The following RIMS2 variants were observed in gnomAD, a reference collection of about 807,000 sequenced individuals.
The protein encoded by RIMS2 is regulating synaptic membrane exocytosis protein 2.
Under a neutral mutation model 174.4 loss-of-function variants are expected in RIMS2, and 59 were observed. That is an observed-to-expected ratio of 0.34 (90% confidence interval 0.27 to 0.42). The LOEUF (loss-of-function observed/expected upper bound fraction) is 0.42. RIMS2 is among the 10% of genes least tolerant of loss of function. The pLI is 1.00. For missense variants in RIMS2, 1,620 were observed against 1,666.3 expected (o/e 0.97, Z 0.48); for synonymous variants, 606 against 572.5 (o/e 1.06, Z -0.84).
chr8:103,947,288 C>A (rs1469581902), intron 14 of RIMS2, among the ~76,000 whole-genome samples: 4 of 152,158 alleles, frequency 2.6e-5, no homozygotes, highest in African/African-American at 9.7e-5. Flanking sequence ...TTCAAGACAT[C>A]ATTAAGAAGA....
chr8:103,641,440 T>C (rs1474255379), intron 1 of RIMS2, among the ~76,000 whole-genome samples: 1 of 152,176 alleles, frequency 6.6e-6, no homozygotes, highest in Non-Finnish European at 1.5e-5. Context: ...CTATTATTAC[T>C]GTACTGATCT....
intron 2 of RIMS2, among the ~76,000 whole-genome samples, chr8:103,749,904 A>G (rs548541655): frequency 6.6e-6 from 1 of 152,252 alleles, no homozygotes; most frequent in South Asian, 2.1e-4. Flanking sequence ...TTGTTTATTG[A>G]TTATTATCAG....
chr8:103,860,273 G>C (rs1159597214), intron 3 of RIMS2, among the ~76,000 whole-genome samples: 1 of 152,132 alleles, frequency 6.6e-6, no homozygotes, highest in African/African-American at 2.4e-5. Context: ...AACACACTGG[G>C]CCCAAATTTA....
rs148283644 is a variant in RIMS2 at position 104,056,710 on chromosome 8, C to T, written c.3334+42095C>T. Among the ~76,000 whole-genome samples the T allele has an allele frequency of 8.7e-3, 1,316 of 152,104 alleles. 7 individuals carry two copies. The highest frequency in any genetic ancestry group is 0.019 in the Admixed American group (287 of 15,258). On this transcript the variant is annotated intron_variant, in intron 19 of 23. Transcript: ENST00000504942. The stretch of plus-strand genomic sequence containing the variant: ...CAGCCGGGGAAACATAGCGATACCT[C>T]GTCTCTACTAAAAATAAAAAATAAA...
intron 3 of RIMS2, among the ~76,000 whole-genome samples, chr8:103,848,401 T>C (rs1256450019): frequency 6.6e-6 from 1 of 152,052 alleles, no homozygotes; most frequent in Non-Finnish European, 1.5e-5. Flanking sequence ...AGTAACTTGG[T>C]TGTCCAAGTC....
chr8:103,971,505 C>T (rs1228179944), intron 15 of RIMS2, among the ~76,000 whole-genome samples: 1 of 151,996 alleles, frequency 6.6e-6, no homozygotes, highest in African/African-American at 2.4e-5. Context: ...TGAAACTACC[C>T]TCATTTCCCC....
At chr8:104,166,546 A>G (rs2098799356) in intron 19 of RIMS2, among the ~76,000 whole-genome samples, 1 of 152,146 alleles carries the variant, frequency 6.6e-6, no homozygotes, top group African/African-American at 2.4e-5. Flanking sequence ...TAAAGTATTC[A>G]TTTCCAAACT....
chr8:104,033,670 C>T (rs2096449631), intron 19 of RIMS2, among the ~76,000 whole-genome samples: 1 of 148,584 alleles, frequency 6.7e-6, no homozygotes, highest in South Asian at 2.1e-4. Context: ...GAAAATTGGT[C>T]CTGGAAATTG....
At chr8:103,681,661 GA>G (rs2096882152) in intron 1 of RIMS2, among the ~76,000 whole-genome samples, 2 of 152,028 alleles carry the variant, frequency 1.3e-5, no homozygotes, top group African/African-American at 4.8e-5. Flanking sequence ...AGTGGGAAAA[GA>G]AACTGCAAAA....
intron 19 of RIMS2, chr8:104,148,684 G>T: frequency 6.3e-7 from 1 of 1,598,254 alleles, no homozygotes. Flanking sequence ...AGCATCAGTG[G>T]AGACATGTGC....
At chr8:104,058,337 T>C (rs566377095) in intron 19 of RIMS2, among the ~76,000 whole-genome samples, 1 of 148,064 alleles carries the variant, frequency 6.8e-6, no homozygotes, top group African/African-American at 2.5e-5. Context: ...GAGCATTTTT[T>C]CATGTGTCTT....
chr8:104,025,761 T>C (rs929976232), intron 19 of RIMS2, among the ~76,000 whole-genome samples: 2 of 151,558 alleles, frequency 1.3e-5, no homozygotes, highest in Non-Finnish European at 2.9e-5. Context: ...GCTGTTTTGG[T>C]CAATAACAGA....
At chr8:103,950,922 G>A (rs923207081) in intron 14 of RIMS2, among the ~76,000 whole-genome samples, 8 of 152,114 alleles carry the variant, frequency 5.3e-5, no homozygotes, top group Non-Finnish European at 1.2e-4. Flanking sequence ...CAAGGTTACT[G>A]GATATAAGAT....
At chr8:103,553,722 C>T (rs1205845974) in intron 1 of RIMS2, among the ~76,000 whole-genome samples, 1 of 151,818 alleles carries the variant, frequency 6.6e-6, no homozygotes, top group Non-Finnish European at 1.5e-5. Flanking sequence ...CATATGGAAC[C>T]AAAAAAGAGC....
chr8:103,768,389 G>T, intron 3 of RIMS2: 1 of 741,566 alleles, frequency 1.3e-6, no homozygotes. Context: ...CACAGAAGTT[G>T]CTGCTGATGC....
intron 1 of RIMS2, among the ~76,000 whole-genome samples, chr8:103,694,810 G>T (rs1176785165): frequency 6.6e-6 from 1 of 152,198 alleles, no homozygotes; most frequent in Non-Finnish European, 1.5e-5. Context: ...TGAGGTCAGG[G>T]AAGCCAGCCT....
At chr8:103,505,338 C>T (rs1001162433) in intron 1 of RIMS2, among the ~76,000 whole-genome samples, 5 of 152,096 alleles carry the variant, frequency 3.3e-5, no homozygotes, top group South Asian at 2.1e-4. Flanking sequence ...TGGATGTAAA[C>T]GTAAAAACAG....
intron 1 of RIMS2, among the ~76,000 whole-genome samples, chr8:103,674,188 C>T (rs2096780248): frequency 6.6e-6 from 1 of 152,170 alleles, no homozygotes; most frequent in African/African-American, 2.4e-5. Flanking sequence ...GCATTTTGGT[C>T]ACAACTGTTT....
At chr8:104,251,201 AT>A in intron 23 of RIMS2, 38 bp downstream of exon 29, 5 of 1,526,368 alleles carry the variant, frequency 3.3e-6, no homozygotes, top group Non-Finnish European at 4.5e-6. Context: ...CTAAGAAAGT[AT>A]TTTTCATGGG....
Sources: allele counts gnomAD v4.1 joint callset (sites outside exome capture counted in the v4.1 genomes callset), GRCh38; gene constraint gnomAD v4.1.1; transcripts MANE v1.5; gene names NCBI Gene and HGNC (gene_info 2026-07-23, HGNC 2026-07-21).